Variants in RMDN2 observed in about 807,000 individuals in gnomAD.
The protein encoded by RMDN2 is regulator of microtubule dynamics 2.
A neutral mutation model predicts 52.8 loss-of-function variants in RMDN2; 61 were observed. The observed-to-expected ratio is 1.16, with a 90% CI of 0.94 to 1.43. The LOEUF (loss-of-function observed/expected upper bound fraction) is 1.43. Ranked by LOEUF, RMDN2 falls within the 40% of genes most tolerant of loss-of-function variation. RMDN2 has a pLI of 0.00. For missense variants in RMDN2, 592 were observed against 475.3 expected, an observed-to-expected ratio of 1.25 and a Z score of -2.28; for synonymous variants, 180 against 153.1, an observed-to-expected ratio of 1.18 and a Z score of -1.30.
intron 10 of RMDN2, among the ~76,000 whole-genome samples, chr2:38,066,631 C>T (rs556765517): frequency 1.3e-5 from 2 of 152,280 alleles, no homozygotes; most frequent in South Asian, 2.1e-4. Context: ...CTAACAACCA[C>T]GCCTGTCTTA....
intron 2 of RMDN2, among the ~76,000 whole-genome samples, chr2:37,936,261 G>T (rs1326794656): frequency 6.6e-6 from 1 of 152,240 alleles, no homozygotes; most frequent in African/African-American, 2.4e-5. Context: ...GTATTCCATA[G>T]TGTGTATGTG....
chr2:37,921,790 G>A (rs1270082038), upstream of RMDN2, among the ~76,000 whole-genome samples: 2 of 152,172 alleles, frequency 1.3e-5, no homozygotes, highest in African/African-American at 4.8e-5. Context: ...CCTGGGACAA[G>A]TTTCTTCACC....
intron 4 of RMDN2, among the ~76,000 whole-genome samples, chr2:37,979,967 T>G (rs1350342176): frequency 6.6e-6 from 1 of 152,214 alleles, no homozygotes; most frequent in African/African-American, 2.4e-5. Context: ...AATGCTTCAC[T>G]TTTTAATTGT....
intron 2 of RMDN2, among the ~76,000 whole-genome samples, chr2:37,943,501 G>C (rs1667969766): frequency 6.6e-6 from 1 of 152,186 alleles, no homozygotes; most frequent in Non-Finnish European, 1.5e-5. Flanking sequence ...AATAATGCAT[G>C]TCTCATGTTG....
intron 10 of RMDN2, chr2:38,036,490 C>A (rs1325117240): frequency 1.3e-5 from 2 of 152,170 alleles, no homozygotes; most frequent in African/African-American, 4.8e-5. Context: ...AGTCCACATA[C>A]CCCTCCCCAA....
In RMDN2 at chr2:37,960,884, G is replaced by A. The variant is rs148947248; in HGVS notation, c.453-13156G>A. ...TCAGGAACTCTTGTAAGGCAGGCCT[G>A]GTGGTTACCAAATCCCTCAGCACTT... On this transcript the variant is annotated intron_variant, in intron 2 of 10. Coordinates refer to ENST00000354545, the MANE Select transcript of RMDN2 (RefSeq NM_001170791.3). Among the ~76,000 whole-genome samples the A allele has an allele frequency of 9.2e-4, 140 of 152,302 alleles. 1 individual carries two copies. In the East Asian group the frequency reaches 0.022, roughly 24 times the overall value.
At chr2:37,923,328 AAGTC>A (rs1451523014), upstream of RMDN2, 1 of 152,202 alleles carries the variant, frequency 6.6e-6, no homozygotes, top group Non-Finnish European at 1.5e-5. Flanking sequence ...CCTGAAGATC[AAGTC>A]AGTATCAGCT....
chr2:38,057,620 C>G (rs868232520), intron 10 of RMDN2, among the ~76,000 whole-genome samples: 5 of 152,096 alleles, frequency 3.3e-5, no homozygotes, highest in African/African-American at 1.2e-4. Flanking sequence ...TATGTCCCCA[C>G]TCAAATCTCA....
At chr2:37,970,291 T>A (rs1671624432) in intron 2 of RMDN2, among the ~76,000 whole-genome samples, 1 of 151,944 alleles carries the variant, frequency 6.6e-6, no homozygotes, top group African/African-American at 2.4e-5. Context: ...GAAAAAAAAA[T>A]TTTTTTGGTA....
Position 38,017,211 on chromosome 2 carries a change from A to G in RMDN2, c.1205A>G (p.Gln402Arg), listed in dbSNP as rs1055016039. ...GATAAAGAGGCACAGAAAGAGATGC[A>G]AAAAATAATGACTTCCTTGAAGAGG... ...KEDKEAQKEM[Q>R]KIMTSLKR The change falls in exon 11 of 11, where the codon CAA becomes CGA. Residue 402 changes from glutamine to arginine, a missense_variant. Gln to Arg is a conservative substitution (Grantham distance 43). Transcript: ENST00000354545. The G allele has an allele frequency of 1.4e-5, 22 of 1,534,070 alleles. No homozygotes were observed. Among genetic ancestry groups the G allele is most frequent in the Non-Finnish European group, 1.7e-5 (19 of 1,138,122 alleles).
intron 10 of RMDN2, chr2:38,036,567 TG>T (rs1194084844): frequency 1.3e-5 from 2 of 152,312 alleles, no homozygotes; most frequent in East Asian, 3.9e-4. Flanking sequence ...CTGCAGGTCG[TG>T]GGAAGCTGAA....
intron 2 of RMDN2, among the ~76,000 whole-genome samples, chr2:37,936,889 C>G (rs923556766): frequency 6.6e-6 from 1 of 152,098 alleles, no homozygotes; most frequent in Non-Finnish European, 1.5e-5. Flanking sequence ...CAGGAGCTCT[C>G]TAGTTTAATT....
At chr2:38,048,414 T>G (rs1681401119) in intron 10 of RMDN2, among the ~76,000 whole-genome samples, 1 of 152,210 alleles carries the variant, frequency 6.6e-6, no homozygotes, top group African/African-American at 2.4e-5. Context: ...CTGACTCCTC[T>G]GGAGAAAGGA....
chr2:38,012,102 C>T (rs1029302771), intron 10 of RMDN2, among the ~76,000 whole-genome samples: 7 of 152,156 alleles, frequency 4.6e-5, no homozygotes, highest in African/African-American at 1.4e-4. Context: ...GTTCCCAGCT[C>T]CCCTCTCCTC....
intron 10 of RMDN2, among the ~76,000 whole-genome samples, chr2:38,059,165 G>A (rs1475229356): frequency 6.6e-6 from 1 of 152,140 alleles, no homozygotes; most frequent in East Asian, 1.9e-4. Flanking sequence ...TGGCTTCCAA[G>A]CACCTGAAAT....
At chr2:38,014,993 A>G (rs1475322024) in intron 10 of RMDN2, among the ~76,000 whole-genome samples, 1 of 152,232 alleles carries the variant, frequency 6.6e-6, no homozygotes, top group Non-Finnish European at 1.5e-5. Context: ...TTTGCTATAT[A>G]ATCTAAGGAA....
intron 2 of RMDN2, among the ~76,000 whole-genome samples, chr2:37,938,740 C>T (rs944884005): frequency 6.6e-6 from 1 of 151,942 alleles, no homozygotes; most frequent in Non-Finnish European, 1.5e-5. Flanking sequence ...CAGTGGTGAT[C>T]TCCCCTTTAT....
At position 37,987,197 on chromosome 2, in the gene RMDN2, A is replaced by G. The variant is rs1181323525; in HGVS notation, c.792-2344A>G. The stretch of plus-strand genomic sequence containing the variant: ...AATGAAGAAGTGGAGTTTGAAATTA[A>G]AAACATAACACTATTTACATTAGCA... On this transcript the variant is annotated intron_variant, in intron 5 of 10. Coordinates refer to ENST00000354545, the MANE Select transcript of RMDN2 (RefSeq NM_001170791.3). 3.3e-5 allele frequency among the ~76,000 whole-genome samples: 5 copies of G among 152,312 alleles called. No homozygotes were observed. The East Asian group carries it at 9.6e-4, about 29-fold the overall frequency.
At chr2:37,972,345 G>T (rs1671916207) in intron 2 of RMDN2, among the ~76,000 whole-genome samples, 1 of 152,002 alleles carries the variant, frequency 6.6e-6, no homozygotes, top group African/African-American at 2.4e-5. Flanking sequence ...ATGAATATCT[G>T]GAGAAGAACA....
Sources: allele counts gnomAD v4.1 joint callset (sites outside exome capture counted in the v4.1 genomes callset), GRCh38; gene constraint gnomAD v4.1.1; transcripts MANE v1.5; gene names NCBI Gene and HGNC (gene_info 2026-07-23, HGNC 2026-07-21).